TMEM164: variants seen among roughly 807,000 people sequenced by gnomAD.
TMEM164 encodes the protein RP13-360B22.2.
Under a neutral mutation model 18.8 loss-of-function variants are expected in TMEM164, and 4 were observed. The ratio of observed to expected loss-of-function variants is 0.21; its 90% CI spans 0.10 to 0.49. TMEM164 has a LOEUF of 0.49. TMEM164 is among the 20% of genes least tolerant of loss of function. The pLI is 0.98. For missense variants in TMEM164, 108 were observed against 239.9 expected (o/e 0.45, Z 3.63); for synonymous variants, 86 against 101.7 (o/e 0.85, Z 0.93).
intron 5 of TMEM164, among the ~76,000 whole-genome samples, chrX:110,169,537 G>A (rs1448927741): frequency 9.0e-6 from 1 of 111,416 alleles, no homozygotes; most frequent in Admixed American, 9.6e-5. Flanking sequence ...CAGCCAGGGT[G>A]ATCCTTTGCA....
chrX:110,129,940 C>T (rs1053231753), intron 4 of TMEM164, among the ~76,000 whole-genome samples: 5 of 112,533 alleles, frequency 4.4e-5, no homozygotes, highest in African/African-American at 1.6e-4. Flanking sequence ...TTTCCAAACC[C>T]TTTTAAGCCC....
At chrX:110,018,863 G>GTGAATGTGCTGTGAATATA (rs771740549) in intron 2 of TMEM164, among the ~76,000 whole-genome samples, 1 of 112,078 alleles carries the variant, frequency 8.9e-6, no homozygotes, top group African/African-American at 3.3e-5. Context: ...AATAAGGTAT[G>GTGAATGTGCTGTGAATATA]TGAATGTGCT....
At chrX:110,034,275 A>G (rs1184668406) in intron 2 of TMEM164, among the ~76,000 whole-genome samples, 2 of 112,472 alleles carry the variant, frequency 1.8e-5, no homozygotes, top group East Asian at 5.5e-4. Flanking sequence ...TTACTTACAA[A>G]ATAAAATCCA....
chrX:110,031,668 T>C (rs1214955043), intron 2 of TMEM164, among the ~76,000 whole-genome samples: 1 of 110,454 alleles, frequency 9.1e-6, no homozygotes, highest in East Asian at 2.8e-4. Context: ...TTTTTGCTTA[T>C]TGTTATTATT....
chrX:110,045,732 CA>C (rs1185225200), intron 2 of TMEM164, among the ~76,000 whole-genome samples: 1 of 112,033 alleles, frequency 8.9e-6, no homozygotes, highest in African/African-American at 3.2e-5. Context: ...GGAAAAGAGC[CA>C]AAAGATGATG....
At chrX:110,022,209 G>GTT (rs1933920384) in intron 2 of TMEM164, among the ~76,000 whole-genome samples, 2 of 111,698 alleles carry the variant, frequency 1.8e-5, no homozygotes, top group African/African-American at 6.5e-5. Flanking sequence ...ATGTGTGTGT[G>GTT]TGTGTGTGTG....
rs1399825798 is a variant in TMEM164 at position 110,129,653 on chromosome X, A to G, written c.508-15145A>G. 1.8e-5 allele frequency among the ~76,000 whole-genome samples: 2 copies of G among 112,763 alleles called. 1 individual carries two copies. Among genetic ancestry groups the G allele is most frequent in the Admixed American group, 1.9e-4 (2 of 10,668 alleles). On this transcript the variant is annotated intron_variant, in intron 4 of 6. Coordinates refer to ENST00000372068, the MANE Select transcript of TMEM164 (RefSeq NM_032227.4). ...ATTTGTTTAAGAACTAGCTTTTTAT[A>G]TGCTCAGAAATGAACATCTGGATCT...
intron 5 of TMEM164, among the ~76,000 whole-genome samples, chrX:110,151,064 A>G (rs2066931920): frequency 8.9e-6 from 1 of 112,267 alleles, no homozygotes; most frequent in East Asian, 2.8e-4. Flanking sequence ...GTATGGTTCC[A>G]CGGTTCTTGC....
rs34813944 is a variant in TMEM164, at chrX:110,173,460, A to AT, written c.*23dup. On this transcript the variant is annotated 3_prime_UTR_variant, in exon 7 of 7. Transcript: ENST00000372068. The stretch of plus-strand genomic sequence containing the variant: ...CCAAGAAAATAGACTGAAGGTGCTT[A>AT]TTTTTTTTTTTTTTCCTCCCTGAGG... 0.026 allele frequency: 25,228 copies of AT among 965,101 alleles called. 1 individual carries two copies. The highest frequency in any genetic ancestry group is 0.03 in the Non-Finnish European group (21,700 of 714,327). The allele number at this position is 965,101 out of a possible 1,213,427, so 79.5% of individuals were successfully genotyped here. A position where few individuals can be genotyped will look rare whatever the true frequency, so the allele number is the denominator to read the frequency against.
At chrX:110,129,555 C>T (rs1200212529) in intron 4 of TMEM164, among the ~76,000 whole-genome samples, 2 of 112,707 alleles carry the variant, frequency 1.8e-5, no homozygotes, top group Non-Finnish European at 1.9e-5. Flanking sequence ...GTGTATTTGA[C>T]AGTTCATAGA....
intron 2 of TMEM164, among the ~76,000 whole-genome samples, chrX:110,047,694 A>G (rs1935374396): frequency 8.9e-6 from 1 of 111,953 alleles, no homozygotes; most frequent in South Asian, 3.7e-4. Context: ...ATTGCTTTCC[A>G]GACATTCCCC....
intron 3 of TMEM164, among the ~76,000 whole-genome samples, chrX:110,090,472 A>G (rs773375245): frequency 9.2e-6 from 1 of 109,271 alleles, no homozygotes; most frequent in African/African-American, 3.3e-5. Flanking sequence ...CACTCGGCTA[A>G]TTTTTTGTAT....
In TMEM164 at chrX:110,175,814, A is replaced by G; in HGVS notation, c.*2363A>G. ...GCATTGGGGAGCATAAGGCATCTGAACTGGTCCAGATCTCACTCTTATCTT... is the reference window on the plus strand; with the variant it reads ...GCATTGGGGAGCATAAGGCATCTGAGCTGGTCCAGATCTCACTCTTATCTT... On this transcript the variant is annotated 3_prime_UTR_variant, in exon 7 of 7. Transcript: ENST00000372068. 1 of 755,178 alleles carries G rather than the reference A, an allele frequency of 1.3e-6. No individual in the cohort carries two copies. Among genetic ancestry groups the G allele is most frequent in the Non-Finnish European group, 1.6e-6 (1 of 639,673 alleles). 62.2% of individuals were successfully genotyped at this position (755,178 alleles called of 1,213,427 possible).
chrX:110,042,144 T>A (rs1414034147), intron 2 of TMEM164, among the ~76,000 whole-genome samples: 3 of 110,067 alleles, frequency 2.7e-5, no homozygotes, highest in East Asian at 2.8e-4. Context: ...TTTTTTTTTT[T>A]AAATCACACC....
chrX:110,172,907 C>T (rs931923166), intron 6 of TMEM164, among the ~76,000 whole-genome samples: 2 of 112,207 alleles, frequency 1.8e-5, no homozygotes, highest in African/African-American at 6.5e-5. Context: ...AGGGCCCACG[C>T]TGTGGGCTGT....
intron 5 of TMEM164, among the ~76,000 whole-genome samples, chrX:110,146,517 A>G (rs1292077345): frequency 1.8e-5 from 2 of 112,060 alleles, no homozygotes; most frequent in Non-Finnish European, 3.8e-5. Context: ...GTAATGAGAG[A>G]CAGTATGCTC....
In TMEM164 at chrX:110,095,566, A is replaced by C. The variant is rs888448420; in HGVS notation, c.441-13514A>C. On this transcript the variant is annotated intron_variant, in intron 3 of 6. Transcript: ENST00000372068. Reference sequence around the variant, plus strand: ...AGGTCTTCTCTACACTGTTTATTCTAGTTAGCCATTCGTCTAATCTTTTTT... The same window carrying C: ...AGGTCTTCTCTACACTGTTTATTCTCGTTAGCCATTCGTCTAATCTTTTTT... Among the ~76,000 whole-genome samples, 10 of 111,625 alleles carry C rather than the reference A, an allele frequency of 9.0e-5. No individual in the cohort carries two copies. In the Admixed American group the frequency reaches 9.5e-4, roughly 11 times the overall value.
intron 2 of TMEM164, among the ~76,000 whole-genome samples, chrX:110,052,459 G>T (rs1935602535): frequency 1.8e-5 from 2 of 112,052 alleles, no homozygotes; most frequent in Non-Finnish European, 3.8e-5. Context: ...GCATAAACAA[G>T]GCTTGAATAT....
intron 3 of TMEM164, among the ~76,000 whole-genome samples, chrX:110,092,190 A>G (rs1320149410): frequency 3.6e-5 from 4 of 111,831 alleles, no homozygotes; most frequent in Non-Finnish European, 5.6e-5. Context: ...TTGGCAATGC[A>G]GGCTCTTTTT....
Sources: allele counts gnomAD v4.1 joint callset (sites outside exome capture counted in the v4.1 genomes callset), GRCh38; gene constraint gnomAD v4.1.1; transcripts MANE v1.5; gene names NCBI Gene and HGNC (gene_info 2026-07-23, HGNC 2026-07-21).